Variants in TEK observed in about 807,000 individuals in gnomAD.
The protein encoded by TEK is angiopoietin-1 receptor.
A neutral mutation model predicts 131.8 loss-of-function variants in TEK; 43 were observed. The ratio of observed to expected loss-of-function variants is 0.33; its 90% CI spans 0.26 to 0.42. The LOEUF (loss-of-function observed/expected upper bound fraction) is 0.42, where lower values mean the gene tolerates loss of function less well. Ranked by LOEUF, TEK falls within the 10% of genes least tolerant of loss-of-function variation. The pLI is 1.00. For synonymous variants in TEK, 580 were observed against 491.6 expected (o/e 1.18, Z -2.38); for missense variants, 1,162 against 1,384.4 (o/e 0.84, Z 2.55).
intron 2 of TEK, among the ~76,000 whole-genome samples, chr9:27,165,557 G>C (rs775907730): frequency 4.6e-5 from 7 of 152,210 alleles, no homozygotes; most frequent in Non-Finnish European, 1.0e-4. Context: ...CAGTGTTGCT[G>C]TTTATATTAG....
At chr9:27,215,560 GTTTTT>G (rs58505932) in intron 18 of TEK, among the ~76,000 whole-genome samples, 1 of 142,012 alleles carries the variant, frequency 7.0e-6, no homozygotes, top group Non-Finnish European at 1.5e-5. Context: ...CTGCATTAGG[GTTTTT>G]TTTTTTTTTT....
In TEK at chr9:27,211,144, A is replaced by C. The variant is rs571544663; in HGVS notation, c.2687-1563A>C. On this transcript the variant is annotated intron_variant, in intron 16 of 22. Coordinates refer to ENST00000380036, the MANE Select transcript of TEK (RefSeq NM_000459.5). The stretch of plus-strand genomic sequence containing the variant: ...TTAAAAAAAAATATATATATATATG[A>C]ATATATATGTATGAATATATGTATG... Among the ~76,000 whole-genome samples, 376 of 121,902 alleles carry C rather than the reference A, an allele frequency of 3.1e-3. 2 individuals are homozygous for C. The highest frequency in any genetic ancestry group is 0.01 in the African/African-American group (346 of 33,866). 80.0% of individuals were successfully genotyped at this position (121,902 alleles called of 152,430 possible). A position where few individuals can be genotyped will look rare whatever the true frequency, so the allele number is the denominator to read the frequency against.
chr9:27,209,251 T>A lies in TEK; in HGVS notation c.2686+20T>A, dbSNP rs1825512851. On this transcript the variant is annotated intron_variant, in intron 16 of 22. Transcript: ENST00000380036. ...ATCGAGGTAAGATGCTCTTTTCCTG[T>A]CTTTCCTGCCAGAGTTTTTATAAAA... 2.0e-6 allele frequency: 3 copies of A among 1,533,464 alleles called. No individual in the cohort carries two copies. Among genetic ancestry groups the A allele is most frequent in the Non-Finnish European group, 9.0e-7 (1 of 1,106,820 alleles). 95.0% of individuals were successfully genotyped at this position (1,533,464 alleles called of 1,614,324 possible).
chr9:27,192,431 G>C, intron 10 of TEK, 58 bp from the exon 11 acceptor site: 1 of 1,606,876 alleles, frequency 6.2e-7, no homozygotes, highest in East Asian at 2.2e-5. Flanking sequence ...CAACAACCCC[G>C]GCTTAAGGAA....
chr9:27,175,592 T>A (rs10967758), intron 6 of TEK, among the ~76,000 whole-genome samples: 39,873 of 150,916 alleles, frequency 0.26, 5,447 homozygotes, highest in African/African-American at 0.31. Flanking sequence ...GAACTAGTTT[T>A]CAGTCCCACC....
At chr9:27,133,545 G>A (rs1335198443) in intron 1 of TEK, among the ~76,000 whole-genome samples, 1 of 152,176 alleles carries the variant, frequency 6.6e-6, no homozygotes, top group African/African-American at 2.4e-5. Flanking sequence ...GAAAGCCAGT[G>A]TCCTCCACTT....
chr9:27,131,749 G>A (rs1352070591), intron 1 of TEK, among the ~76,000 whole-genome samples: 2 of 149,140 alleles, frequency 1.3e-5, no homozygotes, highest in Non-Finnish European at 3.0e-5. Flanking sequence ...AGAGGCTTCA[G>A]TGAGCCATGA....
intron 12 of TEK, among the ~76,000 whole-genome samples, chr9:27,201,188 A>T (rs1293448327): frequency 6.6e-6 from 1 of 152,192 alleles, no homozygotes; most frequent in Non-Finnish European, 1.5e-5. Context: ...CGCTGAATTT[A>T]AATCAAAGGT....
chr9:27,190,778 C>A, intron 10 of TEK, 88 bp downstream of exon 10: 5 of 1,538,874 alleles, frequency 3.2e-6, no homozygotes, highest in Non-Finnish European at 4.5e-6. Flanking sequence ...CTTCTCCCTG[C>A]CTCAATCCTC....
In TEK at chr9:27,164,725, G is replaced by A. The variant is rs190734410; in HGVS notation, c.365-3770G>A. Reference sequence around the variant, plus strand: ...TTAAATATTTTTTTTGTATGGAGCGGGGGTCTCACTGTGTTGCCTAGGCTG... The same window carrying A: ...TTAAATATTTTTTTTGTATGGAGCGAGGGTCTCACTGTGTTGCCTAGGCTG... On this transcript the variant is annotated intron_variant, in intron 2 of 22. Transcript: ENST00000380036. Among the ~76,000 whole-genome samples, 371 of 152,070 alleles carry A rather than the reference G, an allele frequency of 2.4e-3. 2 individuals carry two copies. Among genetic ancestry groups the A allele is most frequent in the African/African-American group, 8.6e-3 (357 of 41,478 alleles).
chr9:27,144,060 GA>G (rs767908642), intron 1 of TEK, among the ~76,000 whole-genome samples: 36 of 152,318 alleles, frequency 2.4e-4, no homozygotes, highest in Non-Finnish European at 4.4e-4. Context: ...GAGGTGGGCA[GA>G]ACACGAGGTC....
intron 4 of TEK, among the ~76,000 whole-genome samples, chr9:27,171,978 G>T (rs1823976012): frequency 6.6e-6 from 1 of 152,150 alleles, no homozygotes; most frequent in African/African-American, 2.4e-5. Context: ...TTCTAGGAAG[G>T]TCAGACATAC....
intron 21 of TEK, among the ~76,000 whole-genome samples, chr9:27,222,904 CAAAA>C: frequency 1.3e-5 from 2 of 151,622 alleles, no homozygotes; most frequent in African/African-American, 4.9e-5. Context: ...CACATAGGCT[CAAAA>C]TAAAGGGACA....
At chr9:27,199,712 G>A (rs1219791377) in intron 12 of TEK, among the ~76,000 whole-genome samples, 1 of 151,978 alleles carries the variant, frequency 6.6e-6, no homozygotes, top group Admixed American at 6.5e-5. Flanking sequence ...GATATCCTTT[G>A]CTCATTTGGA....
rs12347274 is a variant in TEK at position 27,224,319 on chromosome 9, C to G, written c.3201-3887C>G. ...AGAGACACAACAAAAAAGAAAACTT[C>G]AGGCCAATATCCCTGATGAACATTG... On this transcript the variant is annotated intron_variant, in intron 21 of 22. Coordinates refer to ENST00000380036, the MANE Select transcript of TEK (RefSeq NM_000459.5). Among the ~76,000 whole-genome samples the G allele has an allele frequency of 4.3e-3, 655 of 152,204 alleles. 6 individuals are homozygous for G. The highest frequency in any genetic ancestry group is 0.015 in the African/African-American group (604 of 41,532).
chr9:27,185,827 G>A (rs1424776080), intron 9 of TEK, among the ~76,000 whole-genome samples, 198 bp downstream of exon 9: 1 of 152,148 alleles, frequency 6.6e-6, no homozygotes, highest in Non-Finnish European at 1.5e-5. Context: ...ACAGCCCCAG[G>A]TTTGATTTTG....
intron 11 of TEK, among the ~76,000 whole-genome samples, 156 bp downstream of exon 11, chr9:27,192,779 G>C (rs969828987): frequency 6.6e-6 from 1 of 152,180 alleles, no homozygotes; most frequent in Non-Finnish European, 1.5e-5. Context: ...AAAGTGACAG[G>C]AAGGCTAGCA....
intron 1 of TEK, among the ~76,000 whole-genome samples, chr9:27,133,496 T>A (rs1223308013): frequency 6.6e-6 from 1 of 152,160 alleles, no homozygotes; most frequent in Non-Finnish European, 1.5e-5. Context: ...CAACATAGCC[T>A]CCTTTGTTAT....
At chr9:27,149,230 A>G (rs1381763283) in intron 1 of TEK, among the ~76,000 whole-genome samples, 1 of 152,246 alleles carries the variant, frequency 6.6e-6, no homozygotes, top group African/African-American at 2.4e-5. Flanking sequence ...GATGGTGTTT[A>G]GACTAAAGCA....
Sources: gnomAD v4.1 joint callset for allele counts (sites outside exome capture counted in the v4.1 genomes callset) on GRCh38, gnomAD v4.1.1 for gene constraint, MANE v1.5 for transcripts, NCBI Gene and HGNC (gene_info 2026-07-23, HGNC 2026-07-21) for gene names.